Variants in SPTA1 observed in about 807,000 individuals in gnomAD.
SPTA1 encodes the protein spectrin alpha chain, erythrocytic 1.
A neutral mutation model predicts 324.7 loss-of-function variants in SPTA1; 177 were observed. The observed-to-expected ratio is 0.55, with a 90% confidence interval of 0.48 to 0.62. The LOEUF (loss-of-function observed/expected upper bound fraction) is 0.62, where lower values mean the gene tolerates loss of function less well. SPTA1 is among the 20% of genes least tolerant of loss of function. The pLI, the probability that SPTA1 is intolerant of heterozygous loss-of-function variation, is 0.00. For synonymous variants in SPTA1, 1,195 were observed against 1,041.3 expected (o/e 1.15, Z -2.84); for missense variants, 3,162 against 2,883.6 (o/e 1.10, Z -2.21).
intron 33 of SPTA1, among the ~76,000 whole-genome samples, chr1:158,641,730 A>G (rs1048814440): frequency 4.6e-5 from 7 of 152,352 alleles, no homozygotes; most frequent in African/African-American, 1.7e-4. Context: ...AACTGGTTCA[A>G]CCATTGGGGA....
At chr1:158,628,988 A>G (rs1014057104) in intron 39 of SPTA1, among the ~76,000 whole-genome samples, 4 of 152,072 alleles carry the variant, frequency 2.6e-5, no homozygotes, top group Admixed American at 6.6e-5. Flanking sequence ...GATGAATTAA[A>G]TCAAATATTT....
Position 158,674,749 on chromosome 1 carries a change from TG to T in SPTA1, c.1113-75del, listed in dbSNP as rs1242779075. The T allele has an allele frequency of 2.5e-6, 4 of 1,591,394 alleles. No individual in the cohort carries two copies. The African/African-American group carries it at 5.4e-5, about 21-fold the overall frequency. On this transcript the variant is annotated intron_variant, in intron 8 of 51. Transcript: ENST00000643759. ...AGGACATTGAACAAAGATTTAGGTT[TG>T]GGGTGAGGTAAGATGTGTGAGATGC... is the stretch of plus-strand genomic sequence containing the variant.
At chr1:158,611,756 T>C (rs1410838565) in intron 51 of SPTA1, 2 of 241,724 alleles carry the variant, frequency 8.3e-6, no homozygotes, top group Non-Finnish European at 1.6e-5. Flanking sequence ...ATGAGTAAGG[T>C]AAAATACTCA....
Position 158,653,270 on chromosome 1 carries a change from T to C in SPTA1, c.3188+4A>G. ...TGTTCAGTTCTCCAGGCTCCAGAAC[T>C]TACTGGTTCTCAATCTGCTCCTGGC... On this transcript the variant is annotated splice_donor_region_variant and intron_variant, in intron 22 of 51. Coordinates refer to ENST00000643759, the MANE Select transcript of SPTA1 (RefSeq NM_003126.4). The C allele has an allele frequency of 1.9e-6, 3 of 1,614,090 alleles. No homozygotes were observed. The highest frequency in any genetic ancestry group is 2.5e-6 in the Non-Finnish European group (3 of 1,179,998).
Position 158,610,946 on chromosome 1 carries a change from G to T in SPTA1, c.*318C>A. 3.7e-6 allele frequency: 1 copy of T among 266,828 alleles called. No individual in the cohort carries two copies. Among genetic ancestry groups the T allele is most frequent in the South Asian group, 4.7e-5 (1 of 21,286 alleles). 16.5% of individuals were successfully genotyped at this position (266,828 alleles called of 1,614,324 possible). A position where few individuals can be genotyped will look rare whatever the true frequency, so the allele number is the denominator to read the frequency against. On this transcript the variant is annotated 3_prime_UTR_variant, in exon 52 of 52. Transcript: ENST00000643759. Reference sequence around the variant, plus strand: ...AAAGAATTACTTTATTCTATAATCGGAATAAAGCAAAATGATAAAGACGTG... The same window carrying T: ...AAAGAATTACTTTATTCTATAATCGTAATAAAGCAAAATGATAAAGACGTG...
In SPTA1 at chr1:158,648,528, A is replaced by T; in HGVS notation, c.3695T>A (p.Leu1232His). ...QRRHEGFERD[L>H]VPLGDKVTIL... The stretch of plus-strand genomic sequence containing the variant: ...TCTCACCTTATCTCCCAGGGGTACG[A>T]GGTCCCTTTCAAAGCCCTCATGCCG... Residue 1232 changes from leucine to histidine, a missense_variant, in exon 26 of 52, where the codon CTC becomes CAC. Transcript: ENST00000643759. 6.2e-7 allele frequency: 1 copy of T among 1,613,996 alleles called. No homozygotes were observed. Among genetic ancestry groups the T allele is most frequent in the South Asian group, 1.1e-5 (1 of 91,070 alleles).
At chr1:158,632,172 G>A (rs1034301876) in intron 39 of SPTA1, among the ~76,000 whole-genome samples, 5 of 151,598 alleles carry the variant, frequency 3.3e-5, no homozygotes, top group African/African-American at 9.7e-5. Context: ...AGGACATTAC[G>A]CTAAGCAAAA....
intron 17 of SPTA1, 133 bp from the exon 18 acceptor site, chr1:158,661,542 T>C (rs1653216169): frequency 8.5e-7 from 1 of 1,172,008 alleles, no homozygotes; most frequent in African/African-American, 1.5e-5. Flanking sequence ...ATTCTTTAAA[T>C]TTATATCATC....
chr1:158,668,171 C>T lies in SPTA1; in HGVS notation c.1834-109G>A. ...CTATAAATCTAACGAACGATGCTAA[C>T]AAGAAGATAAAAGGGGGAAGTTTCC... On this transcript the variant is annotated intron_variant, in intron 14 of 51. Coordinates refer to ENST00000643759, the MANE Select transcript of SPTA1 (RefSeq NM_003126.4). The T allele has an allele frequency of 6.5e-6, 8 of 1,237,344 alleles. No homozygotes were observed. In the South Asian group the frequency reaches 1.0e-4, roughly 16 times the overall value. The allele number at this position is 1,237,344 out of a possible 1,614,324, so 76.6% of individuals were successfully genotyped here. A position where few individuals can be genotyped will look rare whatever the true frequency, so the allele number is the denominator to read the frequency against.
In SPTA1 at chr1:158,649,928, C is replaced by T. The variant is rs1415906428; in HGVS notation, c.3497G>A (p.Gly1166Asp). 2.5e-6 allele frequency: 4 copies of T among 1,613,510 alleles called. No homozygotes were observed. Among genetic ancestry groups the T allele is most frequent in the Non-Finnish European group, 3.4e-6 (4 of 1,179,696 alleles). Residue 1166 changes from glycine to aspartate, a missense_variant, in exon 25 of 52, where the codon GGT becomes GAT. By Grantham distance (94) the Gly-to-Asp change is moderately conservative. Coordinates refer to ENST00000643759, the MANE Select transcript of SPTA1 (RefSeq NM_003126.4). Reference protein sequence around the residue: ...QIRQELNSRWGSLQRLADEQR... With the variant: ...QIRQELNSRWDSLQRLADEQR... ...TTCATCTGCAAGCCTCTGCAAAGAA[C>T]CCCAGCGGGAATTCAATTCCTAAAA...
At chr1:158,671,988 A>G (rs758319792) in intron 11 of SPTA1, 71 bp downstream of exon 11, 34 of 1,590,814 alleles carry the variant, frequency 2.1e-5, no homozygotes, top group Non-Finnish European at 2.8e-5. Context: ...GAGGGAACTC[A>G]TGGTAGTCAT....
Position 158,672,141 on chromosome 1 carries a change from T to A in SPTA1, c.1406A>T (p.His469Leu). 6.2e-7 allele frequency: 1 copy of A among 1,614,106 alleles called. No individual in the cohort carries two copies. The highest frequency in any genetic ancestry group is 8.5e-7 in the Non-Finnish European group (1 of 1,179,990). ...TALLELWDER[H>L]RQYEQCLDFH... The stretch of plus-strand genomic sequence containing the variant: ...GTCCAAGCACTGCTCATACTGACGA[T>A]GACGCTCGTCCCACAGTTCCAGCAG... The change falls in exon 11 of 52, where the codon CAT (histidine) becomes CTT (leucine). Residue 469 changes from histidine to leucine, a missense_variant. Transcript: ENST00000643759.
At chr1:158,657,937 C>T (rs1652942300) in intron 18 of SPTA1, among the ~76,000 whole-genome samples, 1 of 152,128 alleles carries the variant, frequency 6.6e-6, no homozygotes, top group South Asian at 2.1e-4. Context: ...CAAAGACAGA[C>T]TTGAAAACAG....
At chr1:158,639,801 GGGT>G in intron 34 of SPTA1, 66 bp downstream of exon 34, 1 of 1,612,692 alleles carries the variant, frequency 6.2e-7, no homozygotes, top group Non-Finnish European at 8.5e-7. Flanking sequence ...AATTGCCCAT[GGGT>G]AAATTCATTT....
At chr1:158,661,061 A>G (rs561862472) in intron 18 of SPTA1, among the ~76,000 whole-genome samples, 3 of 152,204 alleles carry the variant, frequency 2.0e-5, no homozygotes, top group Non-Finnish European at 2.9e-5. Flanking sequence ...TACTTTAATA[A>G]TTTTTGTTTT....
intron 13 of SPTA1, 33 bp downstream of exon 13, chr1:158,669,676 A>G (rs770388599): frequency 1.2e-6 from 2 of 1,613,692 alleles, no homozygotes; most frequent in Non-Finnish European, 1.7e-6. Flanking sequence ...TCTAGTGTGT[A>G]GGCACACAGA....
At chr1:158,671,231 T>G (rs1653998723) in intron 12 of SPTA1, 112 bp downstream of exon 12, 1 of 766,342 alleles carries the variant, frequency 1.3e-6, no homozygotes, top group Admixed American at 2.0e-5. Flanking sequence ...TTAGGGATAA[T>G]CCTCAGGCTA....
At chr1:158,615,943 G>A (rs1649532568) in intron 47 of SPTA1, among the ~76,000 whole-genome samples, 1 of 152,104 alleles carries the variant, frequency 6.6e-6, no homozygotes, top group Non-Finnish European at 1.5e-5. Context: ...ATGCAGACAT[G>A]TTTTATGCCA....
rs2101828245 is a variant in SPTA1, at chr1:158,642,491, C to T, written c.4657G>A (p.Glu1553Lys). 6.2e-7 allele frequency: 1 copy of T among 1,613,678 alleles called. No homozygotes were observed. The highest frequency in any genetic ancestry group is 2.2e-5 in the East Asian group (1 of 44,874). ...AGGTTGATGACGCCATGCACCTGCT[C>T]AGATCGGCCATCGACTTCATGTGCA... ...TFAHEVDGRS[E>K]QVHGVINLGN... Residue 1553 changes from glutamate (E) to lysine (K), a missense_variant, in exon 33 of 52, where the codon GAG becomes AAG. By Grantham distance (56) the Glu-to-Lys change is moderately conservative (BLOSUM62 1). Coordinates refer to ENST00000643759, the MANE Select transcript of SPTA1 (RefSeq NM_003126.4).
Sources: gnomAD v4.1 joint callset for allele counts (sites outside exome capture counted in the v4.1 genomes callset) on GRCh38, gnomAD v4.1.1 for gene constraint, MANE v1.5 for transcripts, NCBI Gene and HGNC (gene_info 2026-07-23, HGNC 2026-07-21) for gene names.